Variants in UNC13C observed in about 807,000 individuals in gnomAD.
The protein encoded by UNC13C is unc-13 homolog C.
UNC13C carries 174 observed loss-of-function variants against 245.4 expected under a neutral mutation model. The observed-to-expected ratio is 0.71, with a 90% confidence interval of 0.63 to 0.80. The LOEUF (loss-of-function observed/expected upper bound fraction) is 0.80. Ranked by LOEUF, UNC13C falls within the 30% of genes least tolerant of loss-of-function variation. The pLI is 0.00. For synonymous variants in UNC13C, 992 were observed against 895.1 expected (o/e 1.11, Z -1.93); for missense variants, 2,829 against 2,602.9 (o/e 1.09, Z -1.89).
intron 4 of UNC13C, among the ~76,000 whole-genome samples, chr15:54,221,748 C>G (rs1050161104): frequency 6.6e-6 from 1 of 151,870 alleles, no homozygotes; most frequent in Non-Finnish European, 1.5e-5. Flanking sequence ...TTTCTCAGAC[C>G]CACAGTCTTC....
chr15:54,019,703 T>G (rs551875181), intron 2 of UNC13C, among the ~76,000 whole-genome samples: 3 of 152,188 alleles, frequency 2.0e-5, no homozygotes, highest in Non-Finnish European at 4.4e-5. Flanking sequence ...TTCTGAATGG[T>G]TATAAAACTG....
chr15:53,951,040 G>A, the UNC13C span, among the ~76,000 whole-genome samples: 1 of 152,266 alleles, frequency 6.6e-6, no homozygotes, highest in East Asian at 1.9e-4. Context: ...CCTTTTCTCT[G>A]AAGATATTTC....
intron 17 of UNC13C, among the ~76,000 whole-genome samples, chr15:54,355,658 C>G (rs1012794625): frequency 6.6e-6 from 1 of 152,056 alleles, no homozygotes; most frequent in African/African-American, 2.4e-5. Context: ...GCACCCAGCC[C>G]TCACTTTGCT....
At chr15:54,279,237 C>G (rs1427839804) in intron 10 of UNC13C, among the ~76,000 whole-genome samples, 2 of 152,142 alleles carry the variant, frequency 1.3e-5, no homozygotes, top group Non-Finnish European at 2.9e-5. Context: ...CCAGAGAGGA[C>G]TGAGGAATAA....
chr15:54,481,261 G>T (rs973809508), intron 19 of UNC13C, among the ~76,000 whole-genome samples: 4 of 152,126 alleles, frequency 2.6e-5, no homozygotes, highest in Non-Finnish European at 2.9e-5. Flanking sequence ...CATAACATTG[G>T]CAGTGGCAGT....
intron 2 of UNC13C, among the ~76,000 whole-genome samples, chr15:54,025,037 A>G (rs756782208): frequency 6.6e-6 from 1 of 152,272 alleles, no homozygotes; most frequent in Non-Finnish European, 1.5e-5. Flanking sequence ...TCTGAAGATA[A>G]AAGTGATTAA....
intron 24 of UNC13C, among the ~76,000 whole-genome samples, chr15:54,517,192 T>C (rs1895017387): frequency 6.6e-6 from 1 of 152,048 alleles, no homozygotes; most frequent in South Asian, 2.1e-4. Context: ...AGTTAATAAA[T>C]TAATAAGAAT....
At chr15:54,238,432 T>C (rs2035765499) in intron 7 of UNC13C, among the ~76,000 whole-genome samples, 1 of 152,146 alleles carries the variant, frequency 6.6e-6, no homozygotes, top group African/African-American at 2.4e-5. Flanking sequence ...GAAGTTGGCT[T>C]GGTATGAGTC....
At chr15:54,321,411 A>G (rs887625852) in intron 13 of UNC13C, 2 of 495,476 alleles carry the variant, frequency 4.0e-6, no homozygotes, top group East Asian at 5.4e-5. Context: ...TTCTCTTGAG[A>G]CAGCTCTCTT....
chr15:54,028,786 G>T (rs546112971), intron 2 of UNC13C, among the ~76,000 whole-genome samples: 7 of 139,794 alleles, frequency 5.0e-5, no homozygotes, highest in African/African-American at 1.6e-4. Context: ...CACCTCCCGG[G>T]TTCACACTCT....
intron 2 of UNC13C, among the ~76,000 whole-genome samples, chr15:54,048,208 G>T (rs1324416389): frequency 6.6e-6 from 1 of 152,034 alleles, no homozygotes; most frequent in Non-Finnish European, 1.5e-5. Flanking sequence ...TTACTGGATT[G>T]GCTGCTTGAT....
At chr15:54,333,728 T>C in intron 15 of UNC13C, 39 bp from the exon 16 acceptor site, 1 of 1,397,116 alleles carries the variant, frequency 7.2e-7, no homozygotes, top group Non-Finnish European at 1.0e-6. Context: ...AGAAGTTTAC[T>C]GCTGACAACC....
chr15:54,015,704 G>A lies in UNC13C; in HGVS notation c.2801G>A (p.Gly934Glu). ...GCAGATGATATGGTTAGTGAAGAGG[G>A]GTTAGAACCCTTAAATGAAACATCA... ...GPADDMVSEE[G>E]LEPLNETSAE... The change falls in exon 2 of 33, where the codon GGG becomes GAG. Residue 934 changes from glycine to glutamate, a missense_variant. Transcript: ENST00000260323. 3 of 1,613,594 alleles carry A rather than the reference G, an allele frequency of 1.9e-6. No individual in the cohort carries two copies. Among genetic ancestry groups the A allele is most frequent in the Non-Finnish European group, 2.5e-6 (3 of 1,179,754 alleles).
At chr15:54,179,193 C>G (rs2033715589) in intron 4 of UNC13C, among the ~76,000 whole-genome samples, 1 of 152,054 alleles carries the variant, frequency 6.6e-6, no homozygotes, top group Non-Finnish European at 1.5e-5. Context: ...AAAAGGTAAG[C>G]TCAACCAGAT....
intron 10 of UNC13C, among the ~76,000 whole-genome samples, chr15:54,285,456 A>G (rs2037119699): frequency 2.0e-5 from 3 of 152,244 alleles, no homozygotes; most frequent in Admixed American, 6.5e-5. Context: ...GGGTTACATA[A>G]TTCATGATCA....
rs138839879 is a variant in UNC13C at position 54,144,233 on chromosome 15, C to T, written c.3071+549C>T. Among the ~76,000 whole-genome samples the T allele has an allele frequency of 1.8e-4, 28 of 152,186 alleles. No homozygotes were observed. In the East Asian group the frequency reaches 2.7e-3, roughly 15 times the overall value. ...GCCTCGTCTTTAATGTTAAAAGTTA[C>T]GCACTGGTATCAGTGTGGCATGAAT... is the stretch of plus-strand genomic sequence containing the variant. On this transcript the variant is annotated intron_variant, in intron 4 of 32. Transcript: ENST00000260323.
chr15:54,398,249 TG>T (rs1373704881), intron 18 of UNC13C, among the ~76,000 whole-genome samples: 1 of 151,354 alleles, frequency 6.6e-6, no homozygotes, highest in African/African-American at 2.4e-5. Flanking sequence ...TATGGTGAAT[TG>T]AACTAAGGAA....
At chr15:53,838,487 A>G in the UNC13C span, among the ~76,000 whole-genome samples, 37 of 152,164 alleles carry the variant, frequency 2.4e-4, no homozygotes, top group East Asian at 6.6e-3. Context: ...TTTCCTATGA[A>G]TAGATGTTTA....
chr15:54,015,658 GATGAGGGTT>G lies in UNC13C; in HGVS notation c.2760_2768del (p.Glu920_Tyr922del), dbSNP rs1375628917. 6.2e-7 allele frequency: 1 copy of G among 1,613,604 alleles called. No homozygotes were observed. Among genetic ancestry groups the G allele is most frequent in the African/African-American group, 1.3e-5 (1 of 74,902 alleles). On this transcript the variant is annotated inframe_deletion, in exon 2 of 33. Coordinates refer to ENST00000260323, the MANE Select transcript of UNC13C (RefSeq NM_001080534.3). ...TGAAACACCTTATGAAACCCCACAA[GATGAGGGTT>G]ATGATGGTCCAGCAGATGATATGGT...
Sources: allele counts gnomAD v4.1 joint callset (sites outside exome capture counted in the v4.1 genomes callset), GRCh38; gene constraint gnomAD v4.1.1; transcripts MANE v1.5; gene names NCBI Gene and HGNC (gene_info 2026-07-23, HGNC 2026-07-21).